SRFBP1: variants seen among roughly 807,000 people sequenced by gnomAD.
SRFBP1 encodes serum response factor binding protein 1, also known as serum response factor-binding protein 1.
SRFBP1 carries 47 observed loss-of-function variants against 45.5 expected under a neutral mutation model. The observed-to-expected ratio is 1.03, with a 90% CI of 0.82 to 1.32. SRFBP1 has a LOEUF of 1.32. SRFBP1 is among the 40% of genes most tolerant of loss of function. The probability of loss-of-function intolerance (pLI) is 0.00; values close to 1 mark genes in which losing one functional copy is unlikely to be tolerated. For synonymous variants in SRFBP1, 203 were observed against 166.3 expected, an observed-to-expected ratio of 1.22 and a Z score of -1.70; for missense variants, 621 against 484.6, an observed-to-expected ratio of 1.28 and a Z score of -2.64.
chr5:122,011,330 T>C (rs1304705163), intron 4 of SRFBP1, among the ~76,000 whole-genome samples: 1 of 152,058 alleles, frequency 6.6e-6, no homozygotes, highest in Non-Finnish European at 1.5e-5. Context: ...TTATTTGAAA[T>C]GGAAGAAACT....
intron 2 of SRFBP1, among the ~76,000 whole-genome samples, chr5:122,052,769 A>G (rs1204812263): frequency 6.6e-6 from 1 of 152,190 alleles, no homozygotes; most frequent in Non-Finnish European, 1.5e-5. Flanking sequence ...ATTTCGACTC[A>G]GTTAAGAACC....
chr5:122,075,300 AT>A (rs1418829578), intron 2 of SRFBP1: 39 of 1,060,064 alleles, frequency 3.7e-5, no homozygotes, highest in Non-Finnish European at 4.5e-5. Context: ...AGTAATAGCA[AT>A]TTTCTCCCTT....
At chr5:121,972,661 A>AT (rs750345041) in intron 1 of SRFBP1, among the ~76,000 whole-genome samples, 1 of 151,918 alleles carries the variant, frequency 6.6e-6, no homozygotes, top group Non-Finnish European at 1.5e-5. Flanking sequence ...AAAGAGGAAC[A>AT]TTAAGTGTAG....
At chr5:121,962,501 A>G (rs1751969468) in intron 1 of SRFBP1, among the ~76,000 whole-genome samples, 3 of 152,332 alleles carry the variant, frequency 2.0e-5, no homozygotes, top group South Asian at 4.1e-4. Flanking sequence ...TGTAGCTTCT[A>G]AGAAATTGGT....
At chr5:121,970,729 A>G (rs1313594457) in intron 1 of SRFBP1, among the ~76,000 whole-genome samples, 1 of 152,126 alleles carries the variant, frequency 6.6e-6, no homozygotes, top group Admixed American at 6.6e-5. Flanking sequence ...GTGTATTGCT[A>G]CATTTCTGGT....
At chr5:122,002,304 G>A (rs1181263555) in intron 4 of SRFBP1, among the ~76,000 whole-genome samples, 1 of 152,010 alleles carries the variant, frequency 6.6e-6, no homozygotes, top group East Asian at 1.9e-4. Flanking sequence ...GTTTTGATCT[G>A]GATTTCATTC....
intron 4 of SRFBP1, among the ~76,000 whole-genome samples, chr5:121,995,019 C>T (rs562286552): frequency 6.2e-4 from 91 of 147,504 alleles, no homozygotes; most frequent in Middle Eastern, 3.4e-3. Context: ...TAAAGCAAGT[C>T]CTGAGTGACC....
At position 122,015,932 on chromosome 5, in the gene SRFBP1, T is replaced by C. The variant is rs538158736; in HGVS notation, c.271-3328T>C. 7.2e-5 allele frequency among the ~76,000 whole-genome samples: 11 copies of C among 152,340 alleles called. 1 individual carries two copies. Among genetic ancestry groups the C allele is most frequent in the African/African-American group, 2.6e-4 (11 of 41,594 alleles). ...ATATATCCCCTCCATCCTCCTCATA[T>C]ACTTATCTCCTGATATCCCCCCTTC... is the stretch of plus-strand genomic sequence containing the variant. On this transcript the variant is annotated intron_variant, in intron 4 of 7. Coordinates refer to ENST00000339397, the MANE Select transcript of SRFBP1 (RefSeq NM_152546.3).
intron 2 of SRFBP1, among the ~76,000 whole-genome samples, chr5:122,060,957 A>G (rs530253305): frequency 6.6e-5 from 10 of 152,118 alleles, no homozygotes; most frequent in Non-Finnish European, 1.5e-4. Flanking sequence ...GTTGTTTTTC[A>G]TTCACGAATC....
chr5:121,990,089 A>G (rs1752590544), intron 3 of SRFBP1, among the ~76,000 whole-genome samples: 1 of 152,172 alleles, frequency 6.6e-6, no homozygotes, highest in Admixed American at 6.5e-5. Flanking sequence ...TACCCAAAAA[A>G]TTAAGTCATT....
chr5:122,062,145 A>G (rs556192934), intron 2 of SRFBP1, among the ~76,000 whole-genome samples: 1 of 151,968 alleles, frequency 6.6e-6, no homozygotes, highest in Admixed American at 6.6e-5. Flanking sequence ...AAGTATGGGA[A>G]AGAACATTTC....
chr5:122,020,205 A>G lies in SRFBP1; in HGVS notation c.470A>G (p.Asn157Ser), dbSNP rs755125481. Residue 157 changes from asparagine to serine, a missense_variant, in exon 6 of 8, where the codon AAT becomes AGT. Asn to Ser is a conservative substitution (Grantham distance 46, BLOSUM62 1). Transcript: ENST00000339397. ...TTGTATTCAAATGATAATGGAAGTAATTTACAGCGTGAAGCAACTGTCATC... is the reference window on the plus strand; with the variant it reads ...TTGTATTCAAATGATAATGGAAGTAGTTTACAGCGTGAAGCAACTGTCATC... The part of the protein sequence containing the change: ...NTLYSNDNGS[N>S]LQREATVISE... The G allele has an allele frequency of 2.4e-5, 39 of 1,613,184 alleles. No homozygotes were observed. Among genetic ancestry groups the G allele is most frequent in the Admixed American group, 3.3e-5 (2 of 59,848 alleles).
intron 2 of SRFBP1, among the ~76,000 whole-genome samples, chr5:122,062,034 G>A (rs1050207555): frequency 2.6e-5 from 4 of 151,714 alleles, no homozygotes; most frequent in East Asian, 1.9e-4. Flanking sequence ...AAAAAGACTC[G>A]TGACAAAACA....
chr5:122,071,876 T>C (rs956897781), intron 2 of SRFBP1, among the ~76,000 whole-genome samples: 9 of 152,260 alleles, frequency 5.9e-5, no homozygotes, highest in African/African-American at 2.2e-4. Flanking sequence ...TGTGCTGTCA[T>C]AGAGCACACA....
downstream of SRFBP1, chr5:122,077,296 A>C: frequency 1.9e-6 from 3 of 1,605,874 alleles, no homozygotes; most frequent in South Asian, 3.3e-5. The surrounding 1 kb of genome is among the most constrained non-coding windows in gnomAD (Gnocchi z 4.9). Context: ...CCACGTCGAG[A>C]AGCCACATAG....
chr5:122,024,324 C>T (rs1472649766), intron 7 of SRFBP1, among the ~76,000 whole-genome samples: 5 of 152,140 alleles, frequency 3.3e-5, no homozygotes. Context: ...TCCTTGCTAC[C>T]CACCACTGAA....
chr5:121,991,206 A>G (rs1752614024), intron 3 of SRFBP1, among the ~76,000 whole-genome samples: 1 of 152,156 alleles, frequency 6.6e-6, no homozygotes, highest in Admixed American at 6.6e-5. Flanking sequence ...GAGTTTTTCT[A>G]TGACTGGCTT....
chr5:122,020,884 G>C, intron 6 of SRFBP1, 82 bp downstream of exon 6: 1 of 1,268,332 alleles, frequency 7.9e-7, no homozygotes, highest in South Asian at 1.7e-5. Context: ...TACATGAAGA[G>C]ACTATAATTC....
intron 4 of SRFBP1, 95 bp downstream of exon 4, chr5:121,994,765 C>A (rs545574719): frequency 7.7e-6 from 6 of 783,122 alleles, no homozygotes; most frequent in Admixed American, 3.2e-5. Flanking sequence ...AGAAGTCATG[C>A]TATTAGTTTG....
Sources: gnomAD v4.1 joint callset for allele counts (sites outside exome capture counted in the v4.1 genomes callset) on GRCh38, gnomAD v4.1.1 for gene constraint, Gnocchi (gnomAD v3.1) non-coding constraint, MANE v1.5 for transcripts, NCBI Gene and HGNC (gene_info 2026-07-23, HGNC 2026-07-21) for gene names.